The following SLIT2 variants were observed in gnomAD, a reference collection of about 807,000 sequenced individuals.
SLIT2 encodes the protein slit homolog 2 protein.
In SLIT2, 41 loss-of-function variants were observed where a neutral mutation model predicts 185.7. That is an observed-to-expected ratio of 0.22 (90% CI 0.17 to 0.29). SLIT2 has a LOEUF of 0.29. Among genes scored for constraint, SLIT2 ranks in the 10% least tolerant of loss-of-function variants. The probability of loss-of-function intolerance (pLI) is 1.00; values close to 1 mark genes in which losing one functional copy is unlikely to be tolerated. For synonymous variants in SLIT2, 693 were observed against 680.2 expected (o/e 1.02, Z -0.29); for missense variants, 1,571 against 1,909.0 (o/e 0.82, Z 3.30).
At chr4:20,279,941 T>C (rs1204369032) in intron 4 of SLIT2, among the ~76,000 whole-genome samples, 1 of 152,114 alleles carries the variant, frequency 6.6e-6, no homozygotes, top group African/African-American at 2.4e-5. Context: ...ATCTTTTTGA[T>C]GAAATAGTTG....
intron 4 of SLIT2, among the ~76,000 whole-genome samples, chr4:20,381,397 A>G (rs1179852039): frequency 1.3e-5 from 2 of 152,228 alleles, no homozygotes; most frequent in Admixed American, 6.5e-5. Flanking sequence ...CACAAGCCAT[A>G]AGACAATGGA....
chr4:20,382,781 G>C (rs916934928), intron 4 of SLIT2, among the ~76,000 whole-genome samples: 10 of 152,044 alleles, frequency 6.6e-5, no homozygotes, highest in African/African-American at 2.4e-4. Flanking sequence ...TTTTTCTGTG[G>C]AAATTGACAA....
chr4:20,388,405 G>T (rs1392930453), intron 4 of SLIT2, among the ~76,000 whole-genome samples: 3 of 152,050 alleles, frequency 2.0e-5, no homozygotes, highest in Non-Finnish European at 4.4e-5. Flanking sequence ...TTTAAAATAG[G>T]GTTAGGTTAT....
At chr4:20,476,270 C>G (rs1477155191) in intron 5 of SLIT2, among the ~76,000 whole-genome samples, 2 of 152,068 alleles carry the variant, frequency 1.3e-5, no homozygotes, top group African/African-American at 4.8e-5. Context: ...AGACCACGCT[C>G]ATATATGTAC....
At chr4:20,313,503 A>G (rs1036282222) in intron 4 of SLIT2, among the ~76,000 whole-genome samples, 2 of 152,058 alleles carry the variant, frequency 1.3e-5, no homozygotes, top group South Asian at 4.2e-4. Context: ...TCACATTTCA[A>G]TGTGAGATTT....
At chr4:20,356,832 C>A (rs979018315) in intron 4 of SLIT2, among the ~76,000 whole-genome samples, 2 of 152,102 alleles carry the variant, frequency 1.3e-5, no homozygotes, top group African/African-American at 2.4e-5. Flanking sequence ...CCATACCTCC[C>A]AGCCCAGGGC....
chr4:20,417,624 C>T (rs868434865), intron 4 of SLIT2, among the ~76,000 whole-genome samples: 12 of 151,752 alleles, frequency 7.9e-5, no homozygotes, highest in Middle Eastern at 3.4e-3. Context: ...TAAGTTCAAG[C>T]TATTCCCCTG....
rs1233797451 is a variant in SLIT2, at chr4:20,251,935, G to T, written c.-1881G>T. Among the ~76,000 whole-genome samples, 1 of 152,162 alleles carries T rather than the reference G, an allele frequency of 6.6e-6. No individual in the cohort carries two copies. The highest frequency in any genetic ancestry group is 2.1e-4 in the South Asian group (1 of 4,830). ...GTGTTATTTATTTGGGAAGCGCCCG[G>T]ACGGCGGAGCTTGGCGGCGGCGGTG... On this transcript the variant is annotated 5_prime_UTR_variant, in exon 1 of 37. Coordinates refer to ENST00000504154, the MANE Select transcript of SLIT2 (RefSeq NM_004787.4).
At chr4:20,267,573 G>A (rs1170474104) in intron 3 of SLIT2, among the ~76,000 whole-genome samples, 1 of 151,760 alleles carries the variant, frequency 6.6e-6, no homozygotes, top group Non-Finnish European at 1.5e-5. Flanking sequence ...AAAATTCATA[G>A]CCTCTGCTTG....
chr4:20,556,028 G>T (rs1427556445), intron 26 of SLIT2, among the ~76,000 whole-genome samples: 2 of 151,898 alleles, frequency 1.3e-5, no homozygotes, highest in Non-Finnish European at 2.9e-5. Flanking sequence ...TAATATTAGT[G>T]CATCACTGAT....
chr4:20,352,679 C>T (rs1182113852), intron 4 of SLIT2, among the ~76,000 whole-genome samples: 4 of 151,966 alleles, frequency 2.6e-5, no homozygotes, highest in South Asian at 2.1e-4. Context: ...TTTGGGAGGC[C>T]GAGGCAGGCA....
chr4:20,472,337 T>C, intron 5 of SLIT2, among the ~76,000 whole-genome samples: 4 of 62,570 alleles, frequency 6.4e-5, no homozygotes, highest in African/African-American at 2.6e-4. Flanking sequence ...TATATATAGA[T>C]CTATATATAG....
rs1157453738 is a variant in SLIT2, at chr4:20,291,492, A to ATTT, written c.395+22640_395+22642dup. Among the ~76,000 whole-genome samples the ATTT allele has an allele frequency of 5.5e-4, 10 of 18,250 alleles. 1 individual carries two copies. The highest frequency in any genetic ancestry group is 1.2e-3 in the African/African-American group (5 of 4,242). 12.0% of individuals were successfully genotyped at this position (18,250 alleles called of 152,430 possible). A position where few individuals can be genotyped will look rare whatever the true frequency, so the allele number is the denominator to read the frequency against. On this transcript the variant is annotated intron_variant, in intron 4 of 36. Transcript: ENST00000504154. ...TATATATATATATATATATATATAT[A>ATTT]TTTTTTTTTTTTTTTTTTTTTTTTT... is the stretch of plus-strand genomic sequence containing the variant.
intron 4 of SLIT2, chr4:20,394,575 T>A (rs1413316285): frequency 6.6e-6 from 1 of 151,952 alleles, no homozygotes; most frequent in Non-Finnish European, 1.5e-5. Flanking sequence ...CTGCAGGACC[T>A]CATGGAGCGA....
chr4:20,287,492 C>T (rs1715371617), intron 4 of SLIT2, among the ~76,000 whole-genome samples: 1 of 152,162 alleles, frequency 6.6e-6, no homozygotes, highest in South Asian at 2.1e-4. Flanking sequence ...AAGGAATGTT[C>T]TAACAGGGTT....
chr4:20,361,959 A>G (rs1722776541), intron 4 of SLIT2, among the ~76,000 whole-genome samples: 1 of 152,064 alleles, frequency 6.6e-6, no homozygotes, highest in Non-Finnish European at 1.5e-5. Flanking sequence ...GTTTAAAATT[A>G]TTTTCGACCT....
At chr4:20,260,713 A>C (rs1456301253) in intron 3 of SLIT2, among the ~76,000 whole-genome samples, 1 of 151,868 alleles carries the variant, frequency 6.6e-6, no homozygotes, top group Non-Finnish European at 1.5e-5. Flanking sequence ...TGTTGATTTG[A>C]ATTTAATTGT....
At chr4:20,618,481 CT>C (rs1019376027) in intron 36 of SLIT2, among the ~76,000 whole-genome samples, 5 of 152,140 alleles carry the variant, frequency 3.3e-5, no homozygotes, top group African/African-American at 4.8e-5. Context: ...AAGATGTGTA[CT>C]TTTTTTCCTT....
rs1390764446 is a variant in SLIT2, at chr4:20,518,254, TA to T, written c.1059-1127del. On this transcript the variant is annotated intron_variant, in intron 11 of 36. Coordinates refer to ENST00000504154, the MANE Select transcript of SLIT2 (RefSeq NM_004787.4). Reference sequence around the variant, plus strand: ...ATGTGTGTGTGTATATATATATATATATTTTTTTTTTTTTTTGAGACAGAGT... The same window carrying T: ...ATGTGTGTGTGTATATATATATATATTTTTTTTTTTTTTTTGAGACAGAGT... 8.1e-3 allele frequency among the ~76,000 whole-genome samples: 807 copies of T among 99,270 alleles called. 14 individuals are homozygous for T. The highest frequency in any genetic ancestry group is 0.037 in the South Asian group (119 of 3,182). 65.1% of individuals were successfully genotyped at this position (99,270 alleles called of 152,430 possible).
Sources: allele counts gnomAD v4.1 joint callset (sites outside exome capture counted in the v4.1 genomes callset), GRCh38; gene constraint gnomAD v4.1.1; transcripts MANE v1.5; gene names NCBI Gene and HGNC (gene_info 2026-07-23, HGNC 2026-07-21).